CDH12: variants seen among roughly 807,000 people sequenced by gnomAD.
CDH12 encodes the protein cadherin-12.
Under a neutral mutation model 74.1 loss-of-function variants are expected in CDH12, and 41 were observed. The observed-to-expected ratio is 0.55, with a 90% confidence interval of 0.43 to 0.72. The LOEUF is 0.72. Among genes scored for constraint, CDH12 ranks in the 30% least tolerant of loss-of-function variants. CDH12 has a pLI of 0.00. For synonymous variants in CDH12, 399 were observed against 355.0 expected (o/e 1.12, Z -1.39); for missense variants, 945 against 977.2 (o/e 0.97, Z 0.44).
chr5:21,782,467 C>T (rs986701048), intron 11 of CDH12, among the ~76,000 whole-genome samples: 2 of 152,118 alleles, frequency 1.3e-5, no homozygotes, highest in African/African-American at 4.8e-5. Context: ...TGATCAAAAC[C>T]CTTCAGCAGA....
At chr5:22,783,628 A>G (rs183038215) in intron 1 of CDH12, among the ~76,000 whole-genome samples, 84 of 152,284 alleles carry the variant, frequency 5.5e-4, no homozygotes, top group African/African-American at 1.8e-3. Flanking sequence ...GTAACATATG[A>G]TGCTGTTGGA....
Position 21,975,141 on chromosome 5 carries a change from T to G in CDH12, c.476A>C (p.Lys159Thr). Reference sequence around the variant, plus strand: ...AGCAACATAAGGTCCATCCAAAAACTTTGGCTCATTATCATTAATATCCTG... The same window carrying G: ...AGCAACATAAGGTCCATCCAAAAACGTTGGCTCATTATCATTAATATCCTG... ...KVQDINDNEP[K>T]FLDGPYVATV... Residue 159 changes from lysine to threonine, a missense_variant, in exon 6 of 15, where the codon AAG becomes ACG. By Grantham distance (78) the Lys-to-Thr change is moderately conservative. Around this residue, in one of 3 missense-constraint regions of CDH12, gnomAD observed 791 missense variants for 792.8 expected, o/e 1.00. Coordinates refer to ENST00000382254, the MANE Select transcript of CDH12 (RefSeq NM_004061.5). The G allele has an allele frequency of 6.3e-7, 1 of 1,597,268 alleles. No individual in the cohort carries two copies. Among genetic ancestry groups the G allele is most frequent in the Non-Finnish European group, 8.5e-7 (1 of 1,179,602 alleles).
At chr5:22,129,688 GT>G (rs539204117) in intron 4 of CDH12, among the ~76,000 whole-genome samples, 5 of 151,390 alleles carry the variant, frequency 3.3e-5, no homozygotes, top group Non-Finnish European at 7.4e-5. Flanking sequence ...GTGTTTAATC[GT>G]TTTTTTTCAT....
At chr5:22,261,736 G>A (rs1197918846) in intron 3 of CDH12, among the ~76,000 whole-genome samples, 1 of 150,476 alleles carries the variant, frequency 6.6e-6, no homozygotes, top group African/African-American at 2.5e-5. Flanking sequence ...TTTTAAATTT[G>A]CATGTGTCCC....
chr5:21,990,859 AC>A (rs1402232708), intron 5 of CDH12, among the ~76,000 whole-genome samples: 5 of 151,804 alleles, frequency 3.3e-5, no homozygotes, highest in Non-Finnish European at 5.9e-5. Context: ...AGGTCATCTA[AC>A]CCCATGTGTC....
chr5:22,194,308 C>CTTTTTTT (rs59899245), intron 4 of CDH12, among the ~76,000 whole-genome samples: 9 of 139,864 alleles, frequency 6.4e-5, no homozygotes, highest in East Asian at 2.2e-4. Context: ...CTTTTTCTTT[C>CTTTTTTT]TTTTTTTTTT....
chr5:22,391,246 G>A (rs1006583651), intron 3 of CDH12, among the ~76,000 whole-genome samples: 2 of 152,154 alleles, frequency 1.3e-5, no homozygotes, highest in African/African-American at 4.8e-5. Flanking sequence ...GATACACATG[G>A]AACTCTGGGA....
intron 6 of CDH12, among the ~76,000 whole-genome samples, chr5:21,864,100 G>A (rs1166603063): frequency 6.6e-6 from 1 of 151,522 alleles, no homozygotes; most frequent in African/African-American, 2.4e-5. Context: ...AAGGCATTAT[G>A]CAGCAGAGAA....
chr5:22,692,905 A>G (rs927092164), intron 1 of CDH12, among the ~76,000 whole-genome samples: 2 of 152,132 alleles, frequency 1.3e-5, no homozygotes, highest in African/African-American at 2.4e-5. Flanking sequence ...GAACAAACAG[A>G]TATTTCACAA....
intron 8 of CDH12, among the ~76,000 whole-genome samples, chr5:21,835,733 C>A (rs115621590): frequency 6.6e-6 from 1 of 151,442 alleles, no homozygotes; most frequent in Non-Finnish European, 1.5e-5. Flanking sequence ...AAAAACATTT[C>A]TTTAAAAAAA....
intron 9 of CDH12, among the ~76,000 whole-genome samples, chr5:21,806,288 A>T (rs1054125796): frequency 6.6e-6 from 1 of 152,152 alleles, no homozygotes; most frequent in Non-Finnish European, 1.5e-5. Flanking sequence ...TTGCATCTGT[A>T]AGGAATTCCC....
At chr5:22,801,277 G>T (rs759696116) in intron 1 of CDH12, among the ~76,000 whole-genome samples, 16 of 152,174 alleles carry the variant, frequency 1.1e-4, no homozygotes, top group African/African-American at 1.7e-4. Context: ...TAATTGAAAA[G>T]AATTCAGTAC....
intron 4 of CDH12, among the ~76,000 whole-genome samples, chr5:22,170,590 TAA>T (rs1220122671): frequency 2.7e-5 from 4 of 150,852 alleles, no homozygotes; most frequent in African/African-American, 4.9e-5. Flanking sequence ...TTCTTATATA[TAA>T]GTTATATATA....
intron 6 of CDH12, among the ~76,000 whole-genome samples, chr5:21,939,475 T>C (rs1324023474): frequency 2.0e-5 from 3 of 151,930 alleles, no homozygotes; most frequent in Admixed American, 6.6e-5. Flanking sequence ...CTTTTTATTT[T>C]GTCAATTTCT....
chr5:22,273,850 C>T (rs1276058137), intron 3 of CDH12, among the ~76,000 whole-genome samples: 4 of 152,056 alleles, frequency 2.6e-5, no homozygotes, highest in South Asian at 2.1e-4. Flanking sequence ...AAACTTAAAA[C>T]GTGCAAAAAC....
At chr5:21,990,767 T>C (rs1245096065) in intron 5 of CDH12, among the ~76,000 whole-genome samples, 1 of 151,226 alleles carries the variant, frequency 6.6e-6, no homozygotes, top group Non-Finnish European at 1.5e-5. Context: ...ATTCTCATGT[T>C]GTAGATACAG....
intron 3 of CDH12, among the ~76,000 whole-genome samples, chr5:22,253,230 A>G (rs1431841656): frequency 6.6e-6 from 1 of 151,992 alleles, no homozygotes; most frequent in Non-Finnish European, 1.5e-5. Context: ...AATAATACAT[A>G]TTTAGAACAT....
At chr5:22,593,036 GAA>G (rs11420428) in intron 1 of CDH12, among the ~76,000 whole-genome samples, 3 of 110,480 alleles carry the variant, frequency 2.7e-5, no homozygotes, top group Non-Finnish European at 5.6e-5. Context: ...TCTCAAAAAA[GAA>G]AAAAAAAAAA....
intron 3 of CDH12, among the ~76,000 whole-genome samples, chr5:22,264,699 T>C (rs764338803): frequency 7.9e-5 from 12 of 152,212 alleles, no homozygotes; most frequent in Non-Finnish European, 1.3e-4. Flanking sequence ...CACACCTCAC[T>C]GGCCCTATTA....
Sources: allele counts gnomAD v4.1 joint callset (sites outside exome capture counted in the v4.1 genomes callset), GRCh38; gene constraint gnomAD v4.1.1; regional missense constraint gnomAD v4.1.1; transcripts MANE v1.5; gene names NCBI Gene and HGNC (gene_info 2026-07-23, HGNC 2026-07-21).